Variants in PTPRD observed in about 807,000 individuals in gnomAD.
The protein encoded by PTPRD is receptor-type tyrosine-protein phosphatase delta.
A neutral mutation model predicts 214.5 loss-of-function variants in PTPRD; 34 were observed. The observed-to-expected ratio is 0.16, with a 90% CI of 0.12 to 0.21. The LOEUF is 0.21. PTPRD is among the 10% of genes least tolerant of loss of function. The probability of loss-of-function intolerance (pLI) is 1.00; values close to 1 mark genes in which losing one functional copy is unlikely to be tolerated. For synonymous variants in PTPRD, 1,128 were observed against 845.7 expected, an observed-to-expected ratio of 1.33 and a Z score of -5.79; for missense variants, 2,545 against 2,398.7, an observed-to-expected ratio of 1.06 and a Z score of -1.27.
intron 12 of PTPRD, among the ~76,000 whole-genome samples, chr9:8,676,345 C>CCAAAA (rs2097416907): frequency 6.6e-6 from 1 of 151,708 alleles, no homozygotes; most frequent in South Asian, 2.1e-4. Flanking sequence ...ATCACACCCA[C>CCAAAA]CAAAATTCAC....
At chr9:10,339,557 A>AT (rs2096902602) in intron 3 of PTPRD, among the ~76,000 whole-genome samples, 2 of 151,676 alleles carry the variant, frequency 1.3e-5, no homozygotes, top group Admixed American at 6.6e-5. Flanking sequence ...CTTGACAGGG[A>AT]TTTTCAAGAT....
chr9:9,632,690 A>T (rs2095631089), intron 7 of PTPRD, among the ~76,000 whole-genome samples: 1 of 152,296 alleles, frequency 6.6e-6, no homozygotes, highest in African/African-American at 2.4e-5. Flanking sequence ...TATGTAGAAC[A>T]TAAACCCTGA....
intron 9 of PTPRD, among the ~76,000 whole-genome samples, chr9:9,372,101 T>A (rs1439774627): frequency 1.3e-5 from 2 of 152,256 alleles, no homozygotes; most frequent in Admixed American, 6.5e-5. Context: ...TGATTTGGGG[T>A]GGAGAGTTCT....
intron 9 of PTPRD, among the ~76,000 whole-genome samples, chr9:9,268,006 T>C (rs1940892135): frequency 6.6e-6 from 1 of 150,874 alleles, no homozygotes; most frequent in African/African-American, 2.4e-5. Context: ...CTATTCAACA[T>C]AAAACTGGAA....
intron 4 of PTPRD, among the ~76,000 whole-genome samples, chr9:10,018,874 T>C (rs993196306): frequency 5.3e-5 from 8 of 152,060 alleles, no homozygotes; most frequent in Admixed American, 5.2e-4. Flanking sequence ...ATACACACAT[T>C]GTTAATATGC....
chr9:8,635,375 C>T (rs1254871465), intron 13 of PTPRD, among the ~76,000 whole-genome samples: 5 of 151,786 alleles, frequency 3.3e-5, no homozygotes, highest in African/African-American at 9.6e-5. Flanking sequence ...AAGATGCATA[C>T]ATACATCATT....
intron 8 of PTPRD, among the ~76,000 whole-genome samples, chr9:9,563,489 G>A (rs1031819977): frequency 6.6e-6 from 1 of 152,092 alleles, no homozygotes; most frequent in Non-Finnish European, 1.5e-5. Context: ...AAGAAATATG[G>A]TGGTAGATTC....
intron 2 of PTPRD, among the ~76,000 whole-genome samples, chr9:10,351,857 T>C (rs1470703363): frequency 6.6e-6 from 1 of 152,174 alleles, no homozygotes; most frequent in Non-Finnish European, 1.5e-5. Context: ...GGTACTTTGA[T>C]AGTGAAAGGG....
At chr9:10,337,704 T>G (rs764930409) in intron 3 of PTPRD, among the ~76,000 whole-genome samples, 9 of 151,770 alleles carry the variant, frequency 5.9e-5, no homozygotes, top group Non-Finnish European at 1.0e-4. Context: ...TCAGGAACTT[T>G]ACCTGCATTA....
At position 9,845,243 on chromosome 9, in the gene PTPRD, T is replaced by G. The variant is rs191758526; in HGVS notation, c.-367-78392A>C. On this transcript the variant is annotated intron_variant, in intron 5 of 45. Transcript: ENST00000381196. Reference sequence around the variant, plus strand: ...ATATATATATATAGCAATAGTGATCTTAACAATTCTATTTAGAAACCTATT... The same window carrying G: ...ATATATATATATAGCAATAGTGATCGTAACAATTCTATTTAGAAACCTATT... 4.5e-4 allele frequency among the ~76,000 whole-genome samples: 66 copies of G among 147,956 alleles called. No individual in the cohort carries two copies. The East Asian group carries it at 0.012, about 26-fold the overall frequency.
intron 3 of PTPRD, among the ~76,000 whole-genome samples, chr9:10,057,862 CAAAAAAAAAG>C (rs372527687): frequency 7.1e-6 from 1 of 141,450 alleles, no homozygotes; most frequent in Admixed American, 7.0e-5. Flanking sequence ...AAAAAAAAAA[CAAAAAAAAAG>C]TGAGTAGTGG....
chr9:9,522,810 T>C (rs373487522), intron 8 of PTPRD, among the ~76,000 whole-genome samples: 1 of 152,060 alleles, frequency 6.6e-6, no homozygotes, highest in African/African-American at 2.4e-5. Flanking sequence ...ACAACTAGAG[T>C]GAGCAGCATA....
intron 10 of PTPRD, among the ~76,000 whole-genome samples, chr9:9,121,612 G>A (rs964661969): frequency 3.3e-5 from 5 of 152,138 alleles, no homozygotes; most frequent in African/African-American, 1.2e-4. Context: ...ATTTGTGGGA[G>A]CTAAGCTATG....
intron 3 of PTPRD, among the ~76,000 whole-genome samples, chr9:10,102,749 A>G (rs2098568246): frequency 6.6e-6 from 1 of 151,766 alleles, no homozygotes; most frequent in Admixed American, 6.6e-5. Flanking sequence ...GTGCTTCAAA[A>G]TGAGTATAAA....
chr9:8,595,114 C>T (rs536553693), intron 14 of PTPRD, among the ~76,000 whole-genome samples: 6 of 151,148 alleles, frequency 4.0e-5, no homozygotes, highest in African/African-American at 1.2e-4. Flanking sequence ...CTGCCCGCCT[C>T]GGCCTCCCAA....
At chr9:9,738,036 G>T (rs994448426) in intron 6 of PTPRD, among the ~76,000 whole-genome samples, 1 of 151,450 alleles carries the variant, frequency 6.6e-6, no homozygotes, top group African/African-American at 2.4e-5. Flanking sequence ...CTCACTCATA[G>T]TTGGGAATTG....
Position 9,394,133 on chromosome 9 carries a change from A to C in PTPRD, c.-203+3316T>G, listed in dbSNP as rs1307415457. On this transcript the variant is annotated intron_variant, in intron 9 of 45. Transcript: ENST00000381196. Reference sequence around the variant, plus strand: ...GATGTAATAAAAATAAGTTATTTACATGTCCCTTTACATCATTTAATCAGA... The same window carrying C: ...GATGTAATAAAAATAAGTTATTTACCTGTCCCTTTACATCATTTAATCAGA... 3.9e-5 allele frequency among the ~76,000 whole-genome samples: 6 copies of C among 152,306 alleles called. 1 individual carries two copies. In the Middle Eastern group the frequency reaches 0.014, roughly 345 times the overall value.
At chr9:9,231,252 C>T (rs2099962933) in intron 9 of PTPRD, among the ~76,000 whole-genome samples, 2 of 152,046 alleles carry the variant, frequency 1.3e-5, no homozygotes, top group Non-Finnish European at 2.9e-5. Flanking sequence ...CCTTTGTACC[C>T]AAGAAAACAT....
chr9:8,448,476 C>T (rs2095821522), intron 34 of PTPRD, among the ~76,000 whole-genome samples: 1 of 152,174 alleles, frequency 6.6e-6, no homozygotes. Context: ...TAATAAAGTA[C>T]TGAGTAGGTG....
Sources: gnomAD v4.1 joint callset for allele counts (sites outside exome capture counted in the v4.1 genomes callset) on GRCh38, gnomAD v4.1.1 for gene constraint, MANE v1.5 for transcripts, NCBI Gene and HGNC (gene_info 2026-07-23, HGNC 2026-07-21) for gene names.